The following RPS6KA2 variants were observed in gnomAD, a reference collection of about 807,000 sequenced individuals.
The protein encoded by RPS6KA2 is ribosomal protein S6 kinase alpha-2.
In RPS6KA2, 42 loss-of-function variants were observed where a neutral mutation model predicts 91.8. The observed-to-expected ratio is 0.46, with a 90% CI of 0.36 to 0.59. The LOEUF is 0.59. RPS6KA2 is among the 20% of genes least tolerant of loss of function. The pLI, the probability that RPS6KA2 is intolerant of heterozygous loss-of-function variation, is 0.00. For synonymous variants in RPS6KA2, 414 were observed against 393.6 expected (o/e 1.05, Z -0.61); for missense variants, 798 against 978.5 (o/e 0.82, Z 2.46).
At chr6:166,788,977 G>C (rs531108116) in intron 2 of RPS6KA2, among the ~76,000 whole-genome samples, 1 of 152,318 alleles carries the variant, frequency 6.6e-6, no homozygotes, top group Non-Finnish European at 1.5e-5. Context: ...TGAGGTACCA[G>C]GTTCATCTCA....
intron 3 of RPS6KA2, among the ~76,000 whole-genome samples, chr6:166,528,258 A>T (rs1783135214): frequency 6.6e-6 from 1 of 152,248 alleles, no homozygotes; most frequent in South Asian, 2.1e-4. Context: ...CCTCAGAAAT[A>T]ATACCACACA....
intron 2 of RPS6KA2, among the ~76,000 whole-genome samples, chr6:166,707,744 C>T (rs1789722177): frequency 6.6e-6 from 1 of 152,056 alleles, no homozygotes. Context: ...CTTTCTCTCT[C>T]TCTCTCTCTT....
chr6:166,795,759 G>GT (rs1418832432), intron 2 of RPS6KA2, among the ~76,000 whole-genome samples: 1 of 152,196 alleles, frequency 6.6e-6, no homozygotes, highest in Non-Finnish European at 1.5e-5. Context: ...TGTGGGCACC[G>GT]TGGTGGGATG....
In RPS6KA2 at chr6:166,849,738, G is replaced by A. The variant is rs1366537436; in HGVS notation, c.123+8462C>T. 1.3e-5 allele frequency among the ~76,000 whole-genome samples: 2 copies of A among 152,350 alleles called. No homozygotes were observed. Among genetic ancestry groups the A allele is most frequent in the East Asian group, 1.9e-4 (1 of 5,194 alleles). Reference sequence around the variant, plus strand: ...GCATACTCAGTCCCATGTGCCTGGCGCAGTGTGTGGCCTGAGACTGACACC... The same window carrying A: ...GCATACTCAGTCCCATGTGCCTGGCACAGTGTGTGGCCTGAGACTGACACC... On this transcript the variant is annotated intron_variant, in intron 2 of 21. Coordinates refer to the RPS6KA2 transcript ENST00000503859. The surrounding 1 kb of genome is among the most constrained non-coding windows in gnomAD (Gnocchi z 4.9).
chr6:166,615,821 T>G (rs1435573186), intron 1 of RPS6KA2, among the ~76,000 whole-genome samples: 1 of 152,162 alleles, frequency 6.6e-6, no homozygotes, highest in East Asian at 1.9e-4. Flanking sequence ...CTGTGGGGTC[T>G]AGACACCATT....
intron 19 of RPS6KA2, among the ~76,000 whole-genome samples, chr6:166,416,035 TCAC>T (rs538495445): frequency 4.6e-4 from 1 of 2,196 alleles, no homozygotes; most frequent in Non-Finnish European, 1.0e-3. Flanking sequence ...ACCATCATCT[TCAC>T]CACCTCCACC....
intron 2 of RPS6KA2, among the ~76,000 whole-genome samples, chr6:166,784,968 G>C (rs1335646925): frequency 6.6e-6 from 1 of 152,214 alleles, no homozygotes; most frequent in Non-Finnish European, 1.5e-5. Flanking sequence ...GGATGGTTCT[G>C]ATGTCAGGAA....
At chr6:166,765,200 C>T (rs1055542161) in intron 2 of RPS6KA2, among the ~76,000 whole-genome samples, 7 of 152,252 alleles carry the variant, frequency 4.6e-5, no homozygotes, top group African/African-American at 1.4e-4. Context: ...GTGTGTGCAG[C>T]ATCTCTGGAC....
rs145934052 is a variant in RPS6KA2 at position 166,434,792 on chromosome 6, A to T, written c.1333-2302T>A. Among the ~76,000 whole-genome samples the T allele has an allele frequency of 6.6e-6, 1 of 152,330 alleles. No homozygotes were observed. The highest frequency in any genetic ancestry group is 1.9e-4 in the East Asian group (1 of 5,192). The stretch of plus-strand genomic sequence containing the variant: ...TCTCCACCGCCACGGACCATCTTCA[A>T]GATACAAGGAGTAAAAAAGGCCGAC... On this transcript the variant is annotated intron_variant, in intron 14 of 20. Coordinates refer to ENST00000265678, the MANE Select transcript of RPS6KA2 (RefSeq NM_021135.6). The surrounding 1 kb of genome is among the most constrained non-coding windows in gnomAD (Gnocchi z 4.4).
chr6:166,746,618 C>T (rs554508870), intron 2 of RPS6KA2, among the ~76,000 whole-genome samples: 107 of 152,352 alleles, frequency 7.0e-4, no homozygotes, highest in African/African-American at 2.5e-3. Flanking sequence ...AAGGCTACCC[C>T]TCACTTCAGA....
At chr6:166,462,169 A>G (rs1780336663) in intron 11 of RPS6KA2, among the ~76,000 whole-genome samples, 1 of 152,102 alleles carries the variant, frequency 6.6e-6, no homozygotes, top group Non-Finnish European at 1.5e-5. Flanking sequence ...AACCCTCAAA[A>G]GTGCAACGTC....
chr6:166,653,920 G>A (rs535537989), intron 2 of RPS6KA2, among the ~76,000 whole-genome samples: 6 of 152,292 alleles, frequency 3.9e-5, no homozygotes, highest in African/African-American at 1.4e-4. Flanking sequence ...ATTTTAGGAG[G>A]CTGTGCAAAA....
intron 2 of RPS6KA2, among the ~76,000 whole-genome samples, chr6:166,822,052 G>A (rs1014691363): frequency 4.6e-5 from 7 of 152,124 alleles, no homozygotes; most frequent in Admixed American, 2.6e-4. Context: ...GACGCTGCTC[G>A]CGCCACCACC....
At chr6:166,538,162 G>A (rs1036773600) in intron 2 of RPS6KA2, among the ~76,000 whole-genome samples, 1 of 152,210 alleles carries the variant, frequency 6.6e-6, no homozygotes, top group Non-Finnish European at 1.5e-5. Context: ...TTTCCATTTA[G>A]TGGGTGGGGA....
At chr6:166,550,176 T>C (rs1472004365) in intron 1 of RPS6KA2, among the ~76,000 whole-genome samples, 1 of 152,238 alleles carries the variant, frequency 6.6e-6, no homozygotes, top group Non-Finnish European at 1.5e-5. Flanking sequence ...CCCTTTGTTT[T>C]CTGAATTTCC....
intron 2 of RPS6KA2, among the ~76,000 whole-genome samples, chr6:166,755,605 G>A (rs1479007766): frequency 3.3e-5 from 5 of 152,228 alleles, no homozygotes; most frequent in African/African-American, 4.8e-5. Flanking sequence ...GGGTCCTTTC[G>A]ACACGCACCA....
chr6:166,705,467 G>A (rs1789655777), intron 2 of RPS6KA2, among the ~76,000 whole-genome samples: 1 of 152,088 alleles, frequency 6.6e-6, no homozygotes, highest in Non-Finnish European at 1.5e-5. Context: ...CGCTCAACTT[G>A]GTAAAGGCTA....
intron 1 of RPS6KA2, among the ~76,000 whole-genome samples, chr6:166,553,785 C>T (rs557488700): frequency 3.3e-5 from 5 of 152,216 alleles, no homozygotes; most frequent in South Asian, 2.1e-4. Flanking sequence ...CAAGCTGATA[C>T]GTTAAAAAAA....
At chr6:166,857,925 T>C (rs1176903707) in intron 2 of RPS6KA2, among the ~76,000 whole-genome samples, 2 of 152,198 alleles carry the variant, frequency 1.3e-5, no homozygotes, top group African/African-American at 4.8e-5. Context: ...CCCTCACAAG[T>C]GCCCATGCCA....
Sources: allele counts gnomAD v4.1 joint callset (sites outside exome capture counted in the v4.1 genomes callset), GRCh38; gene constraint gnomAD v4.1.1; non-coding constraint Gnocchi (gnomAD v3.1); transcripts MANE v1.5; gene names NCBI Gene and HGNC (gene_info 2026-07-23, HGNC 2026-07-21).